The following DIAPH2 variants were observed in gnomAD, a reference collection of about 807,000 sequenced individuals.
DIAPH2 encodes protein diaphanous homolog 2.
Under a neutral mutation model 92.7 loss-of-function variants are expected in DIAPH2, and 35 were observed. That is an observed-to-expected ratio of 0.38 (90% CI 0.29 to 0.50). The LOEUF is 0.50. Among genes scored for constraint, DIAPH2 ranks in the 20% least tolerant of loss-of-function variants. The probability of loss-of-function intolerance (pLI) is 0.94; values close to 1 mark genes in which losing one functional copy is unlikely to be tolerated. For missense variants in DIAPH2, 701 were observed against 819.5 expected (o/e 0.86, Z 1.77); for synonymous variants, 301 against 280.4 (o/e 1.07, Z -0.73).
chrX:97,401,192 C>T (rs1252145982), intron 25 of DIAPH2, among the ~76,000 whole-genome samples: 1 of 111,075 alleles, frequency 9.0e-6, no homozygotes, highest in Non-Finnish European at 1.9e-5. Context: ...CCTTGTCCCA[C>T]CCCTCCCCCA....
At chrX:97,223,809 T>G (rs754716942) in intron 22 of DIAPH2, among the ~76,000 whole-genome samples, 1 of 112,178 alleles carries the variant, frequency 8.9e-6, no homozygotes, top group African/African-American at 3.2e-5. Context: ...AATAGAAGAA[T>G]CTTTGTATTA....
chrX:96,912,736 C>G (rs540279531), intron 7 of DIAPH2, among the ~76,000 whole-genome samples, 184 bp downstream of exon 7: 2 of 110,301 alleles, frequency 1.8e-5, no homozygotes, highest in Non-Finnish European at 3.8e-5. Flanking sequence ...ATAATAAACC[C>G]GGCATGCATT....
At chrX:97,511,890 G>A (rs2070896471) in intron 26 of DIAPH2, among the ~76,000 whole-genome samples, 1 of 111,596 alleles carries the variant, frequency 9.0e-6, no homozygotes, top group Admixed American at 9.4e-5. Context: ...GCTTTTTGAT[G>A]TGCTGCTGGA....
At position 97,084,805 on chromosome X, in the gene DIAPH2, A is replaced by G. The variant is rs1173767222; in HGVS notation, c.2247+9544A>G. On this transcript the variant is annotated intron_variant, in intron 19 of 26. Coordinates refer to ENST00000324765, the MANE Select transcript of DIAPH2 (RefSeq NM_006729.5). ...AGAGCTGCTTTGGGGGGACTGCAGT[A>G]GGTGAGAATGAGGACTCCAGAATGC... Among the ~76,000 whole-genome samples the G allele has an allele frequency of 4.5e-5, 5 of 111,687 alleles. No homozygotes were observed. In the East Asian group the frequency reaches 1.4e-3, roughly 31 times the overall value.
At chrX:97,208,056 G>A (rs148761653) in intron 22 of DIAPH2, among the ~76,000 whole-genome samples, 1,169 of 111,367 alleles carry the variant, frequency 0.01, 25 homozygotes, top group African/African-American at 0.036. Context: ...AGAGTCACTT[G>A]AACCTGGGAG....
At chrX:96,800,257 A>T (rs1569398337) in intron 4 of DIAPH2, among the ~76,000 whole-genome samples, 4 of 108,402 alleles carry the variant, frequency 3.7e-5, no homozygotes, top group Non-Finnish European at 7.7e-5. Flanking sequence ...CACAAGATAC[A>T]TTTTTTTTTC....
intron 23 of DIAPH2, among the ~76,000 whole-genome samples, chrX:97,272,192 T>G: frequency 9.1e-6 from 1 of 109,851 alleles, no homozygotes; most frequent in Admixed American, 9.9e-5. Flanking sequence ...AGAGACGGGG[T>G]TTCACTATCT....
At chrX:96,770,836 A>G (rs2064334089) in intron 4 of DIAPH2, among the ~76,000 whole-genome samples, 1 of 112,354 alleles carries the variant, frequency 8.9e-6, no homozygotes, top group Non-Finnish European at 1.9e-5. Flanking sequence ...AAACACTATT[A>G]AAGTACCAAT....
intron 26 of DIAPH2, among the ~76,000 whole-genome samples, chrX:97,563,131 G>GGAGTGTTAT (rs1435492297): frequency 9.0e-6 from 1 of 111,456 alleles, no homozygotes; most frequent in East Asian, 2.8e-4. Context: ...ATCTGAAAAG[G>GGAGTGTTAT]GAGTGTTATA....
At chrX:97,441,893 G>A (rs2070263168) in intron 26 of DIAPH2, among the ~76,000 whole-genome samples, 1 of 113,251 alleles carries the variant, frequency 8.8e-6, no homozygotes, top group African/African-American at 3.2e-5. Flanking sequence ...ATCTAGCTTT[G>A]CATTAAGGAA....
chrX:96,911,624 C>A (rs1277419297), intron 5 of DIAPH2, among the ~76,000 whole-genome samples: 2 of 111,489 alleles, frequency 1.8e-5, no homozygotes, highest in Non-Finnish European at 3.8e-5. Context: ...AAATACCTAA[C>A]CTTATCAAAG....
chrX:97,069,733 G>A (rs996928356), intron 17 of DIAPH2, among the ~76,000 whole-genome samples: 14 of 111,816 alleles, frequency 1.3e-4, no homozygotes, highest in African/African-American at 4.5e-4. Flanking sequence ...GTGATTCATG[G>A]TTAGTTATCA....
intron 26 of DIAPH2, among the ~76,000 whole-genome samples, chrX:97,584,220 A>T (rs1227119849): frequency 8.9e-6 from 1 of 112,124 alleles, no homozygotes; most frequent in African/African-American, 3.2e-5. Context: ...TGGATTAGAG[A>T]TTGACTAGAA....
At chrX:97,300,939 AAAAAAAAAAAAAAAAAAAAAAAAAAAG>A (rs1374787868) in intron 23 of DIAPH2, among the ~76,000 whole-genome samples, 2 of 39,834 alleles carry the variant, frequency 5.0e-5, no homozygotes, top group Admixed American at 3.3e-4. Context: ...CTTAAAAAAA[AAAAAAAAAAAAAAAAAAAAAAAAAAAG>A]AAGAAGAAGA....
At chrX:97,255,016 T>G (rs2147560846) in intron 23 of DIAPH2, among the ~76,000 whole-genome samples, 1 of 111,715 alleles carries the variant, frequency 9.0e-6, no homozygotes, top group South Asian at 3.7e-4. Context: ...AACTTTATTT[T>G]AAATGTGATA....
intron 4 of DIAPH2, among the ~76,000 whole-genome samples, chrX:96,832,572 C>T (rs911136761): frequency 2.7e-5 from 3 of 110,984 alleles, no homozygotes; most frequent in Non-Finnish European, 5.7e-5. Flanking sequence ...ACAAAGTTTC[C>T]TGGGTAGTTA....
At chrX:97,223,767 A>C (rs2067944011) in intron 22 of DIAPH2, among the ~76,000 whole-genome samples, 1 of 111,831 alleles carries the variant, frequency 8.9e-6, no homozygotes, top group African/African-American at 3.2e-5. Flanking sequence ...TCAACTTTTC[A>C]TAGTTAGTTG....
rs1569365462 is a variant in DIAPH2, at chrX:97,334,988, A to AAAAACAAAAC, written c.2845-13123_2845-13114dup. ...AGTGCAAGACTTCGTCTCAAAAAAC[A>AAAAACAAAAC]AAAACAAAACAAAAAAAAAAAAAAA... On this transcript the variant is annotated intron_variant, in intron 23 of 26. Coordinates refer to ENST00000324765, the MANE Select transcript of DIAPH2 (RefSeq NM_006729.5). 6.0e-5 allele frequency among the ~76,000 whole-genome samples: 5 copies of AAAAACAAAAC among 82,997 alleles called. No individual in the cohort carries two copies. The East Asian group carries it at 1.3e-3, about 22-fold the overall frequency. The allele number at this position is 82,997 out of a possible 115,157, so 72.1% of individuals were successfully genotyped here. A position where few individuals can be genotyped will look rare whatever the true frequency, so the allele number is the denominator to read the frequency against.
At chrX:97,409,413 G>A (rs2069844107) in intron 25 of DIAPH2, among the ~76,000 whole-genome samples, 1 of 111,552 alleles carries the variant, frequency 9.0e-6, no homozygotes, top group Admixed American at 9.5e-5. Context: ...TTCCAAGATG[G>A]CCAAATAGGA....
Sources: allele counts gnomAD v4.1 joint callset (sites outside exome capture counted in the v4.1 genomes callset), GRCh38; gene constraint gnomAD v4.1.1; transcripts MANE v1.5; gene names NCBI Gene and HGNC (gene_info 2026-07-23, HGNC 2026-07-21).